Variants in PCDH9 observed in about 807,000 individuals in gnomAD.
PCDH9 encodes protocadherin-9.
Under a neutral mutation model 70.6 loss-of-function variants are expected in PCDH9, and 24 were observed. That is an observed-to-expected ratio of 0.34 (90% CI 0.25 to 0.48). The LOEUF (loss-of-function observed/expected upper bound fraction) is 0.48. Among genes scored for constraint, PCDH9 ranks in the 20% least tolerant of loss-of-function variants. The probability of loss-of-function intolerance (pLI) is 0.99; values close to 1 mark genes in which losing one functional copy is unlikely to be tolerated. For missense variants in PCDH9, 1,281 were observed against 1,503.6 expected (o/e 0.85, Z 2.45); for synonymous variants, 562 against 558.5 (o/e 1.01, Z -0.09).
intron 3 of PCDH9, among the ~76,000 whole-genome samples, chr13:66,809,041 A>C (rs9599149): frequency 2.0e-5 from 3 of 152,110 alleles, no homozygotes; most frequent in Admixed American, 6.5e-5. Flanking sequence ...TCCGCCTCCC[A>C]GGTTCACGCC....
At chr13:66,694,751 T>C (rs2078535375) in intron 3 of PCDH9, among the ~76,000 whole-genome samples, 1 of 151,960 alleles carries the variant, frequency 6.6e-6, no homozygotes, top group Non-Finnish European at 1.5e-5. Flanking sequence ...CTATACACAT[T>C]ATATATATTT....
intron 3 of PCDH9, among the ~76,000 whole-genome samples, chr13:66,787,059 C>T (rs879440138): frequency 2.6e-5 from 4 of 152,126 alleles, no homozygotes; most frequent in Non-Finnish European, 5.9e-5. Flanking sequence ...AGTCAAAAAA[C>T]AGTCCTGACT....
chr13:67,120,891 A>C (rs1335692109), intron 2 of PCDH9, among the ~76,000 whole-genome samples: 1 of 152,034 alleles, frequency 6.6e-6, no homozygotes, highest in Non-Finnish European at 1.5e-5. Flanking sequence ...TCGGAAAAAT[A>C]TCTTGCTTTG....
At chr13:66,960,132 G>A (rs1053943377) in intron 2 of PCDH9, among the ~76,000 whole-genome samples, 6 of 152,164 alleles carry the variant, frequency 3.9e-5, no homozygotes, top group Admixed American at 6.5e-5. Flanking sequence ...TAACTGGACT[G>A]AAATCAAAAC....
At chr13:66,551,013 G>A (rs1327908040) in intron 4 of PCDH9, among the ~76,000 whole-genome samples, 1 of 152,100 alleles carries the variant, frequency 6.6e-6, no homozygotes, top group Non-Finnish European at 1.5e-5. Flanking sequence ...TTAGAAATGT[G>A]GCTAATCTAC....
chr13:66,639,109 C>T (rs1015582142), intron 3 of PCDH9, among the ~76,000 whole-genome samples: 1 of 152,126 alleles, frequency 6.6e-6, no homozygotes, highest in Non-Finnish European at 1.5e-5. Flanking sequence ...GATAACTGGC[C>T]ATTTAAAGTC....
chr13:66,401,326 A>T (rs1389932450), intron 4 of PCDH9, among the ~76,000 whole-genome samples: 1 of 149,932 alleles, frequency 6.7e-6, no homozygotes, highest in African/African-American at 2.5e-5. Flanking sequence ...TGAGTGAGTT[A>T]TCATGGGATC....
intron 3 of PCDH9, among the ~76,000 whole-genome samples, chr13:66,672,523 G>A (rs572170217): frequency 6.6e-6 from 1 of 152,316 alleles, no homozygotes; most frequent in South Asian, 2.1e-4. Context: ...CCCCACTGGG[G>A]CACTGTCTAA....
At chr13:66,905,618 C>G (rs1027968594) in intron 2 of PCDH9, among the ~76,000 whole-genome samples, 1 of 152,012 alleles carries the variant, frequency 6.6e-6, no homozygotes, top group African/African-American at 2.4e-5. Flanking sequence ...ATATCTTGCT[C>G]CATAGAATTT....
chr13:66,516,955 T>C (rs1253593394), intron 4 of PCDH9, among the ~76,000 whole-genome samples: 1 of 152,156 alleles, frequency 6.6e-6, no homozygotes, highest in African/African-American at 2.4e-5. Flanking sequence ...CCAAAACTTC[T>C]GCAAATCAGA....
chr13:66,482,179 A>C lies in PCDH9; in HGVS notation c.3340+149031T>G, dbSNP rs142841689. On this transcript the variant is annotated intron_variant, in intron 4 of 4. Coordinates refer to ENST00000377865, the MANE Select transcript of PCDH9 (RefSeq NM_203487.3). ...AGCCATCAAGACATTCATATTCCACATAACAAGATAGCTGGAGATAGGAAA... is the reference window on the plus strand; with the variant it reads ...AGCCATCAAGACATTCATATTCCACCTAACAAGATAGCTGGAGATAGGAAA... 4.2e-3 allele frequency among the ~76,000 whole-genome samples: 639 copies of C among 152,340 alleles called. 5 individuals carry two copies. Among genetic ancestry groups the C allele is most frequent in the African/African-American group, 0.015 (610 of 41,562 alleles).
At chr13:67,046,973 G>A (rs535965931) in intron 2 of PCDH9, among the ~76,000 whole-genome samples, 4 of 152,078 alleles carry the variant, frequency 2.6e-5, no homozygotes, top group South Asian at 2.1e-4. Context: ...AAAATATTCC[G>A]ATAGAACATT....
At chr13:66,994,710 T>A (rs1215414209) in intron 2 of PCDH9, among the ~76,000 whole-genome samples, 1 of 152,198 alleles carries the variant, frequency 6.6e-6, no homozygotes, top group East Asian at 1.9e-4. Context: ...AATTTTGTCA[T>A]CTGATCTCCT....
At chr13:67,105,540 G>T (rs908456373) in intron 2 of PCDH9, among the ~76,000 whole-genome samples, 1 of 152,024 alleles carries the variant, frequency 6.6e-6, no homozygotes, top group Non-Finnish European at 1.5e-5. Context: ...TGAAATAAAT[G>T]TGTGCTTTTT....
chr13:66,680,813 A>G (rs951362302), intron 3 of PCDH9, among the ~76,000 whole-genome samples: 4 of 152,056 alleles, frequency 2.6e-5, no homozygotes, highest in Admixed American at 1.3e-4. Flanking sequence ...ATTAATATAA[A>G]TGTTATGTTT....
chr13:67,000,231 G>A (rs1566353320), intron 2 of PCDH9, among the ~76,000 whole-genome samples: 1 of 149,460 alleles, frequency 6.7e-6, no homozygotes, highest in African/African-American at 2.5e-5. Flanking sequence ...CTATCGCAGG[G>A]ACAAAAAACC....
rs528368204 is a variant in PCDH9, at chr13:66,331,399, G to A, written c.3341-26371C>T. 1.1e-4 allele frequency among the ~76,000 whole-genome samples: 17 copies of A among 152,200 alleles called. 1 individual carries two copies. The highest frequency in any genetic ancestry group is 3.9e-4 in the African/African-American group (16 of 41,524). On this transcript the variant is annotated intron_variant, in intron 4 of 4. Coordinates refer to ENST00000377865, the MANE Select transcript of PCDH9 (RefSeq NM_203487.3). ...AGCCCTCTGGCCCCGAACTTCATGAGCGCCAGAGGAGAAGTAAATGGTTAC... is the reference window on the plus strand; with the variant it reads ...AGCCCTCTGGCCCCGAACTTCATGAACGCCAGAGGAGAAGTAAATGGTTAC...
chr13:66,587,159 A>G (rs1031914234), intron 4 of PCDH9, among the ~76,000 whole-genome samples: 1 of 152,002 alleles, frequency 6.6e-6, no homozygotes, highest in East Asian at 1.9e-4. Flanking sequence ...TTAGCTGGGC[A>G]TGGTGGCAAA....
At chr13:66,322,233 A>T (rs1955768743) in intron 4 of PCDH9, among the ~76,000 whole-genome samples, 3 of 151,946 alleles carry the variant, frequency 2.0e-5, no homozygotes, top group Admixed American at 2.0e-4. Flanking sequence ...ATACCAAGTG[A>T]ATGGAGAAAA....
Sources: gnomAD v4.1 joint callset for allele counts (sites outside exome capture counted in the v4.1 genomes callset) on GRCh38, gnomAD v4.1.1 for gene constraint, MANE v1.5 for transcripts, NCBI Gene and HGNC (gene_info 2026-07-23, HGNC 2026-07-21) for gene names.